Variants in FBXL5 observed in about 807,000 individuals in gnomAD.
The protein encoded by FBXL5 is F-box/LRR-repeat protein 5.
In FBXL5, 26 loss-of-function variants were observed where a neutral mutation model predicts 78.3. The observed-to-expected ratio is 0.33, with a 90% confidence interval of 0.24 to 0.46. FBXL5 has a LOEUF of 0.46. Ranked by LOEUF, FBXL5 falls within the 20% of genes least tolerant of loss-of-function variation. The pLI is 1.00. For missense variants in FBXL5, 710 were observed against 829.2 expected (o/e 0.86, Z 1.77); for synonymous variants, 295 against 282.5 (o/e 1.04, Z -0.45).
rs142736727 is a variant in FBXL5, at chr4:15,621,205, G to C, written c.1850+4047C>G. Among the ~76,000 whole-genome samples the C allele has an allele frequency of 1.4e-3, 208 of 152,130 alleles. 3 individuals carry two copies. The East Asian group carries it at 0.038, about 28-fold the overall frequency. On this transcript the variant is annotated intron_variant, in intron 9 of 10. Transcript: ENST00000341285. ...TGTAGATGGCACGACCTTATATGTA[G>C]AAAACCCTAATGAATTCACAAAAAA...
intron 9 of FBXL5, among the ~76,000 whole-genome samples, chr4:15,616,998 A>C (rs1711956576): frequency 6.6e-6 from 1 of 152,236 alleles, no homozygotes; most frequent in African/African-American, 2.4e-5. Context: ...GTTGTGGAGA[A>C]AAAGCAATGT....
chr4:15,606,541 A>T (rs992833116), intron 10 of FBXL5, among the ~76,000 whole-genome samples: 12 of 152,202 alleles, frequency 7.9e-5, no homozygotes, highest in African/African-American at 2.7e-4. Context: ...ATCAAAGAAG[A>T]AGTTTCACAG....
intron 9 of FBXL5, among the ~76,000 whole-genome samples, chr4:15,619,167 A>G (rs1404716006): frequency 1.3e-5 from 2 of 152,196 alleles, no homozygotes; most frequent in African/African-American, 4.8e-5. Flanking sequence ...TGTCTCAAAA[A>G]AAAACCTCTT....
chr4:15,637,905 A>ATT lies in FBXL5; in HGVS notation c.583+602_583+603insAA, dbSNP rs768629524. On this transcript the variant is annotated intron_variant, in intron 4 of 10. Transcript: ENST00000341285. Reference sequence around the variant, plus strand: ...ATTACTGAGGAACTAGTTTTTTTAAAAAAAAAAAAAAAGGCAGCACGTTTT... The same window carrying ATT: ...ATTACTGAGGAACTAGTTTTTTTAAATTAAAAAAAAAAAAGGCAGCACGTTTT... Among the ~76,000 whole-genome samples, 537 of 145,336 alleles carry ATT rather than the reference A, an allele frequency of 3.7e-3. 1 individual carries two copies. Among genetic ancestry groups the ATT allele is most frequent in the Non-Finnish European group, 4.5e-3 (291 of 65,310 alleles).
At chr4:15,678,092 A>G (rs1213611827) in intron 1 of FBXL5, among the ~76,000 whole-genome samples, 1 of 152,226 alleles carries the variant, frequency 6.6e-6, no homozygotes, top group Admixed American at 6.5e-5. Context: ...CTCATAAATT[A>G]TATATTTAAT....
At chr4:15,675,422 T>C (rs1560254446) in intron 1 of FBXL5, among the ~76,000 whole-genome samples, 1 of 152,130 alleles carries the variant, frequency 6.6e-6, no homozygotes, top group Non-Finnish European at 1.5e-5. Flanking sequence ...CTATCCTGGA[T>C]TTACCAGCCT....
intron 10 of FBXL5, 103 bp from the exon 11 acceptor site, chr4:15,605,902 T>C: frequency 1.3e-6 from 1 of 784,194 alleles, no homozygotes; most frequent in South Asian, 1.5e-5. Context: ...TTACTAGCAG[T>C]ACTTATATGA....
At chr4:15,616,939 C>T (rs565039847) in intron 9 of FBXL5, among the ~76,000 whole-genome samples, 43 of 152,260 alleles carry the variant, frequency 2.8e-4, no homozygotes, top group Non-Finnish European at 5.7e-4. Context: ...TGCCTCTTTC[C>T]CAAGATGGCT....
At chr4:15,631,575 ATC>A (rs1358453775) in intron 5 of FBXL5, among the ~76,000 whole-genome samples, 1 of 151,958 alleles carries the variant, frequency 6.6e-6, no homozygotes, top group Non-Finnish European at 1.5e-5. Flanking sequence ...CCTCTCCAGC[ATC>A]TGTTGTTTCC....
intron 4 of FBXL5, among the ~76,000 whole-genome samples, chr4:15,637,958 A>G (rs1714458525): frequency 6.6e-6 from 1 of 151,890 alleles, no homozygotes; most frequent in African/African-American, 2.4e-5. Flanking sequence ...GTATTCTCAG[A>G]GTAACAATAC....
chr4:15,640,597 A>C (rs1714758770), intron 3 of FBXL5, among the ~76,000 whole-genome samples, 191 bp downstream of exon 3: 1 of 152,092 alleles, frequency 6.6e-6, no homozygotes, highest in Non-Finnish European at 1.5e-5. Context: ...ATGAAAAGCA[A>C]CAACCTTTCT....
chr4:15,637,575 G>T (rs1714417559), intron 4 of FBXL5, among the ~76,000 whole-genome samples: 1 of 152,084 alleles, frequency 6.6e-6, no homozygotes, highest in Non-Finnish European at 1.5e-5. Context: ...TTGCTTTGAA[G>T]GAGTGGGAAA....
chr4:15,613,260 A>T (rs150303581), intron 9 of FBXL5, among the ~76,000 whole-genome samples: 1 of 152,326 alleles, frequency 6.6e-6, no homozygotes, highest in East Asian at 1.9e-4. Flanking sequence ...GTTTTGAATT[A>T]GTCTGTGGTG....
chr4:15,623,145 A>G (rs950573042), intron 9 of FBXL5, among the ~76,000 whole-genome samples: 4 of 147,782 alleles, frequency 2.7e-5, no homozygotes, highest in African/African-American at 1.1e-4. Context: ...TTGGTATTCA[A>G]ACAAAACGTT....
intron 5 of FBXL5, among the ~76,000 whole-genome samples, chr4:15,633,829 A>G (rs370379663): frequency 7.9e-5 from 12 of 152,304 alleles, no homozygotes; most frequent in Middle Eastern, 3.4e-3. Flanking sequence ...CGAACTCCTG[A>G]GCTCAGGCAA....
intron 1 of FBXL5, among the ~76,000 whole-genome samples, chr4:15,644,960 G>A (rs150669569): frequency 1.7e-3 from 252 of 152,182 alleles, no homozygotes; most frequent in African/African-American, 5.8e-3. Flanking sequence ...CACAAATCAC[G>A]GTTTCTTTAA....
intron 2 of FBXL5, among the ~76,000 whole-genome samples, chr4:15,643,044 G>A (rs948333131): frequency 5.9e-5 from 9 of 152,098 alleles, no homozygotes; most frequent in Middle Eastern, 6.8e-3. Context: ...ATTTGTCGAA[G>A]GTGTATTCAT....
At chr4:15,669,110 G>A (rs773559170) in intron 1 of FBXL5, among the ~76,000 whole-genome samples, 2 of 152,156 alleles carry the variant, frequency 1.3e-5, no homozygotes, top group Admixed American at 6.5e-5. Flanking sequence ...ATATAGTTGA[G>A]TATTTGTTAC....
At chr4:15,657,911 C>G (rs1717084945), upstream of FBXL5, among the ~76,000 whole-genome samples, 1 of 152,126 alleles carries the variant, frequency 6.6e-6, no homozygotes, top group African/African-American at 2.4e-5. Flanking sequence ...GCAGATAATT[C>G]CAACAGACCA....
Sources: gnomAD v4.1 joint callset for allele counts (sites outside exome capture counted in the v4.1 genomes callset) on GRCh38, gnomAD v4.1.1 for gene constraint, MANE v1.5 for transcripts, NCBI Gene and HGNC (gene_info 2026-07-23, HGNC 2026-07-21) for gene names.